Variants in BUB1 observed in about 807,000 individuals in gnomAD.
BUB1 encodes the protein BUB1 mitotic checkpoint serine/threonine kinase.
Under a neutral mutation model 135.2 loss-of-function variants are expected in BUB1, and 84 were observed. The ratio of observed to expected loss-of-function variants is 0.62; its 90% CI spans 0.52 to 0.74. BUB1 has a LOEUF of 0.74. BUB1 is among the 30% of genes least tolerant of loss of function. The probability of loss-of-function intolerance (pLI) is 0.00; values close to 1 mark genes in which losing one functional copy is unlikely to be tolerated. For synonymous variants in BUB1, 403 were observed against 434.4 expected (o/e 0.93, Z 0.90); for missense variants, 1,162 against 1,288.3 (o/e 0.90, Z 1.50).
At chr2:110,668,368 A>G (rs1690323095) in intron 6 of BUB1, among the ~76,000 whole-genome samples, 1 of 152,234 alleles carries the variant, frequency 6.6e-6, no homozygotes, top group African/African-American at 2.4e-5. Context: ...TCTGGAGCTT[A>G]GACAGGACAA....
At chr2:110,644,058 C>CAAAAAAAAAAAAAAAA (rs58393999) in intron 19 of BUB1, among the ~76,000 whole-genome samples, 138 of 39,614 alleles carry the variant, frequency 3.5e-3, no homozygotes, top group African/African-American at 5.9e-3. Flanking sequence ...AACTGAAATG[C>CAAAAAAAAAAAAAAAA]AAAAAAAAAA....
Position 110,667,708 on chromosome 2 carries a change from A to G in BUB1, c.621-3T>C, listed in dbSNP as rs1690299064. 2.5e-6 allele frequency: 4 copies of G among 1,611,342 alleles called. No homozygotes were observed. Among genetic ancestry groups the G allele is most frequent in the Non-Finnish European group, 3.4e-6 (4 of 1,179,054 alleles). On this transcript the variant is annotated splice_polypyrimidine_tract_variant and splice_region_variant and intron_variant, in intron 7 of 24. Transcript: ENST00000302759. ...AAATCGTGATCACTCTTCGTTCCCT[A>G]CAATGGGGGAAAATACATTATTTAC...
chr2:110,657,711 T>G, intron 13 of BUB1, 66 bp from the exon 14 acceptor site: 1 of 1,156,024 alleles, frequency 8.7e-7, no homozygotes, highest in East Asian at 2.6e-5. Flanking sequence ...ATATTAAACT[T>G]CAACTACAAA....
intron 11 of BUB1, among the ~76,000 whole-genome samples, chr2:110,659,019 T>C (rs1451000815): frequency 1.3e-5 from 2 of 152,312 alleles, no homozygotes; most frequent in East Asian, 3.9e-4. Flanking sequence ...AGCAACTTTG[T>C]CATAAATTAT....
chr2:110,647,373 G>C (rs1013763335), intron 19 of BUB1, among the ~76,000 whole-genome samples: 1 of 152,060 alleles, frequency 6.6e-6, no homozygotes, highest in African/African-American at 2.4e-5. Context: ...TGTAGAAAAA[G>C]AATTATACAC....
chr2:110,677,750 G>T (rs1174090099), intron 1 of BUB1, among the ~76,000 whole-genome samples: 3 of 152,332 alleles, frequency 2.0e-5, no homozygotes, highest in Non-Finnish European at 4.4e-5. Flanking sequence ...AACGGCCACC[G>T]CGGCGCAGAT....
intron 5 of BUB1, 66 bp from the exon 6 acceptor site, chr2:110,669,619 TAATA>T (rs1690363530): frequency 2.0e-6 from 2 of 1,016,558 alleles, no homozygotes; most frequent in Non-Finnish European, 1.5e-6. Context: ...AATTATCACA[TAATA>T]AATTCCCCTG....
intron 6 of BUB1, among the ~76,000 whole-genome samples, chr2:110,668,607 CAT>C (rs1179287434): frequency 3.3e-5 from 5 of 152,066 alleles, no homozygotes; most frequent in Non-Finnish European, 5.9e-5. Flanking sequence ...ACATGGGAAA[CAT>C]AGTTGGGAAA....
intron 24 of BUB1, among the ~76,000 whole-genome samples, chr2:110,639,511 G>A (rs754323673): frequency 1.3e-4 from 20 of 152,054 alleles, no homozygotes; most frequent in Non-Finnish European, 2.6e-4. Flanking sequence ...TCAACCATTT[G>A]GCCAGGAGCT....
At chr2:110,644,708 C>G (rs1689599317) in intron 19 of BUB1, among the ~76,000 whole-genome samples, 1 of 152,060 alleles carries the variant, frequency 6.6e-6, no homozygotes, top group African/African-American at 2.4e-5. Flanking sequence ...ATAAGAATTA[C>G]ACAGGACTTC....
At chr2:110,658,568 C>T in intron 12 of BUB1, 46 bp downstream of exon 12, 1 of 1,613,892 alleles carries the variant, frequency 6.2e-7, no homozygotes, top group Non-Finnish European at 8.5e-7. Flanking sequence ...AAAGAGCTTT[C>T]ATTAACTTGT....
chr2:110,655,967 C>A, intron 15 of BUB1, 51 bp from the exon 16 acceptor site: 2 of 1,533,746 alleles, frequency 1.3e-6, no homozygotes, highest in Non-Finnish European at 1.8e-6. Context: ...CTCTTTAGTC[C>A]ATGAAACCTT....
chr2:110,671,542 T>C (rs1307471874), intron 4 of BUB1, among the ~76,000 whole-genome samples: 1 of 152,174 alleles, frequency 6.6e-6, no homozygotes, highest in African/African-American at 2.4e-5. Flanking sequence ...CAGTAGATAA[T>C]AGGTCTCAAA....
intron 19 of BUB1, among the ~76,000 whole-genome samples, chr2:110,645,321 C>T (rs1689613622): frequency 6.6e-6 from 1 of 151,788 alleles, no homozygotes; most frequent in Admixed American, 6.6e-5. Context: ...GTAGTCCCAG[C>T]TACTCAGGAG....
At chr2:110,656,609 A>T (rs1689942076) in intron 15 of BUB1, among the ~76,000 whole-genome samples, 1 of 152,228 alleles carries the variant, frequency 6.6e-6, no homozygotes, top group South Asian at 2.1e-4. Context: ...TCTGCTGTCA[A>T]CATGACTTAT....
intron 13 of BUB1, 41 bp from the exon 14 acceptor site, chr2:110,657,686 G>A (rs779121063): frequency 7.3e-7 from 1 of 1,375,402 alleles, no homozygotes; most frequent in Non-Finnish European, 9.9e-7. Flanking sequence ...ATTGTACTAG[G>A]AAAAAACATC....
chr2:110,658,469 T>A lies in BUB1; in HGVS notation c.1457A>T (p.Asp486Val). ...QAPTLPDISD[D>V]KDEWQSLDQN... ...ATCTAGAGATTGCCATTCATCTTTG[T>A]CATCAGAAATATCAGGAAGTGTAGG... Residue 486 changes from aspartate (D) to valine (V), a missense_variant, in exon 13 of 25, where the codon GAC (aspartate) becomes GTC (valine). By Grantham distance (152) the Asp-to-Val change is radical. Transcript: ENST00000302759. The A allele has an allele frequency of 6.2e-7, 1 of 1,614,072 alleles. No homozygotes were observed. Among genetic ancestry groups the A allele is most frequent in the Non-Finnish European group, 8.5e-7 (1 of 1,179,998 alleles).
intron 1 of BUB1, chr2:110,674,858 G>C (rs1690530143): frequency 5.4e-6 from 1 of 184,678 alleles, no homozygotes; most frequent in Non-Finnish European, 1.1e-5. Context: ...GTGGGATCTA[G>C]GCATGGCACT....
At chr2:110,675,542 G>A (rs959472868) in intron 1 of BUB1, among the ~76,000 whole-genome samples, 3 of 151,956 alleles carry the variant, frequency 2.0e-5, no homozygotes, top group Non-Finnish European at 2.9e-5. Context: ...AGGAGGTAGA[G>A]GTGAGAATCG....
Sources: allele counts gnomAD v4.1 joint callset (sites outside exome capture counted in the v4.1 genomes callset), GRCh38; gene constraint gnomAD v4.1.1; transcripts MANE v1.5; gene names NCBI Gene and HGNC (gene_info 2026-07-23, HGNC 2026-07-21).